DGKI: variants seen among roughly 807,000 people sequenced by gnomAD.
DGKI encodes the protein DAG kinase iota.
A neutral mutation model predicts 147.5 loss-of-function variants in DGKI; 55 were observed. That is an observed-to-expected ratio of 0.37 (90% CI 0.30 to 0.47). The LOEUF is 0.47. DGKI is among the 20% of genes least tolerant of loss of function. The pLI, the probability that DGKI is intolerant of heterozygous loss-of-function variation, is 1.00. For synonymous variants in DGKI, 469 were observed against 477.1 expected, an observed-to-expected ratio of 0.98 and a Z score of 0.22; for missense variants, 1,007 against 1,323.8, an observed-to-expected ratio of 0.76 and a Z score of 3.71.
chr7:137,443,375 A>G (rs755373282), intron 28 of DGKI, among the ~76,000 whole-genome samples: 14 of 152,218 alleles, frequency 9.2e-5, no homozygotes, highest in Non-Finnish European at 1.8e-4. Flanking sequence ...GAGAATTTCC[A>G]AAGTCCAAGT....
At chr7:137,681,090 C>T (rs370650367) in intron 2 of DGKI, among the ~76,000 whole-genome samples, 27 of 152,304 alleles carry the variant, frequency 1.8e-4, no homozygotes, top group African/African-American at 4.6e-4. Context: ...TTCAGGACAA[C>T]GCACAGGGAG....
chr7:137,760,913 T>C (rs894435314), intron 1 of DGKI, among the ~76,000 whole-genome samples: 3 of 152,194 alleles, frequency 2.0e-5, no homozygotes, highest in Admixed American at 6.5e-5. Context: ...CCCTTTAGGC[T>C]GTTCTGCACT....
chr7:137,653,558 G>T (rs755526325), intron 5 of DGKI, among the ~76,000 whole-genome samples: 1 of 151,966 alleles, frequency 6.6e-6, no homozygotes, highest in Non-Finnish European at 1.5e-5. Flanking sequence ...CTTTCTATCC[G>T]GAAGGCTCTT....
intron 1 of DGKI, among the ~76,000 whole-genome samples, chr7:137,690,481 C>G (rs1411653350): frequency 6.6e-6 from 1 of 152,188 alleles, no homozygotes; most frequent in Non-Finnish European, 1.5e-5. Context: ...ATTTTGCTTT[C>G]CTCTCGAGAA....
intron 1 of DGKI, among the ~76,000 whole-genome samples, chr7:137,710,917 G>C (rs945417030): frequency 6.6e-6 from 1 of 152,042 alleles, no homozygotes; most frequent in Non-Finnish European, 1.5e-5. Context: ...CCCCCAAAAA[G>C]TGAACCAAAG....
chr7:137,793,024 AG>A (rs1796905148), intron 1 of DGKI, among the ~76,000 whole-genome samples: 1 of 152,244 alleles, frequency 6.6e-6, no homozygotes, highest in South Asian at 2.1e-4. Context: ...TTGTCTTATG[AG>A]GATGGTAAAG....
Position 137,452,515 on chromosome 7 carries a change from G to A in DGKI, c.2736-8413C>T, listed in dbSNP as rs370237391. On this transcript the variant is annotated intron_variant, in intron 27 of 32. Coordinates refer to ENST00000614521, the MANE Select transcript of DGKI (RefSeq NM_001321708.2). ...TCCTTATTGTGAAGTTCTTGTTGGGGAACAAAGCAGCACACGTATGTCCAC... is the reference window on the plus strand; with the variant it reads ...TCCTTATTGTGAAGTTCTTGTTGGGAAACAAAGCAGCACACGTATGTCCAC... Among the ~76,000 whole-genome samples, 9 of 152,254 alleles carry A rather than the reference G, an allele frequency of 5.9e-5. No individual in the cohort carries two copies. In the East Asian group the frequency reaches 1.7e-3, roughly 29 times the overall value.
chr7:137,641,786 CTTGT>C (rs1326838109), intron 6 of DGKI, among the ~76,000 whole-genome samples: 1 of 152,136 alleles, frequency 6.6e-6, no homozygotes, highest in African/African-American at 2.4e-5. Flanking sequence ...AAAAAGTTAG[CTTGT>C]TTATTTTTAT....
chr7:137,529,046 C>T (rs149363804), intron 20 of DGKI, among the ~76,000 whole-genome samples: 1 of 152,178 alleles, frequency 6.6e-6, no homozygotes, highest in East Asian at 1.9e-4. Flanking sequence ...TGCAAACAGA[C>T]TATAAGCATC....
intron 20 of DGKI, chr7:137,545,973 C>T: frequency 1.4e-6 from 1 of 701,962 alleles, no homozygotes; most frequent in Non-Finnish European, 2.6e-6. Flanking sequence ...CTAGAGGCAG[C>T]AGGGAATGAG....
At chr7:137,568,834 T>G (rs1314971552) in intron 19 of DGKI, among the ~76,000 whole-genome samples, 2 of 151,936 alleles carry the variant, frequency 1.3e-5, no homozygotes, top group South Asian at 4.1e-4. Context: ...TCAGTATTGC[T>G]CCTATATAAT....
At chr7:137,452,302 CTA>C (rs1390277418) in intron 27 of DGKI, among the ~76,000 whole-genome samples, 2 of 152,178 alleles carry the variant, frequency 1.3e-5, no homozygotes, top group Admixed American at 1.3e-4. Flanking sequence ...GGACCACAGA[CTA>C]TGGATGGAGT....
chr7:137,394,633 C>A (rs1811482597), intron 32 of DGKI, among the ~76,000 whole-genome samples: 1 of 152,212 alleles, frequency 6.6e-6, no homozygotes, highest in Admixed American at 6.5e-5. Context: ...CCAGCTGATG[C>A]TATCAAGGTT....
intron 1 of DGKI, among the ~76,000 whole-genome samples, chr7:137,833,188 T>C (rs1798267563): frequency 6.6e-6 from 1 of 152,238 alleles, no homozygotes; most frequent in Admixed American, 6.5e-5. Flanking sequence ...CAGGTATCTT[T>C]TCAGCAGCAC....
rs1386281275 is a variant in DGKI at position 137,576,043 on chromosome 7, C to CTTTT, written c.1761+1175_1761+1178dup. Among the ~76,000 whole-genome samples the CTTTT allele has an allele frequency of 2.3e-3, 304 of 135,058 alleles. 5 individuals are homozygous for CTTTT. Among genetic ancestry groups the CTTTT allele is most frequent in the African/African-American group, 8.3e-3 (293 of 35,254 alleles). 88.6% of individuals were successfully genotyped at this position (135,058 alleles called of 152,430 possible). The stretch of plus-strand genomic sequence containing the variant: ...TGTCAAAATTAATCTTTTTCTTTTT[C>CTTTT]TTTTTTTTTTTTTTAGACGGAGTGT... On this transcript the variant is annotated intron_variant, in intron 17 of 32. Coordinates refer to ENST00000614521, the MANE Select transcript of DGKI (RefSeq NM_001321708.2).
chr7:137,408,286 T>C (rs1397227074), intron 29 of DGKI, among the ~76,000 whole-genome samples: 1 of 152,200 alleles, frequency 6.6e-6, no homozygotes, highest in African/African-American at 2.4e-5. Context: ...GTCTCTATGG[T>C]CTCTCTCTCG....
At chr7:137,525,374 C>A (rs1234792825) in intron 20 of DGKI, among the ~76,000 whole-genome samples, 3 of 152,120 alleles carry the variant, frequency 2.0e-5, no homozygotes, top group Non-Finnish European at 4.4e-5. Flanking sequence ...CTTTTTTAAA[C>A]TCCTATCAAA....
intron 28 of DGKI, among the ~76,000 whole-genome samples, chr7:137,415,060 G>C (rs73730609): frequency 3.0e-3 from 454 of 152,196 alleles, no homozygotes; most frequent in African/African-American, 0.01. Flanking sequence ...GGGTAAAATT[G>C]GCATGTGAAG....
chr7:137,665,044 G>T (rs370892738), intron 3 of DGKI, among the ~76,000 whole-genome samples: 2 of 152,334 alleles, frequency 1.3e-5, no homozygotes, highest in Non-Finnish European at 2.9e-5. Context: ...GAGGCATGAG[G>T]ATGTCAGGAT....
Sources: allele counts gnomAD v4.1 joint callset (sites outside exome capture counted in the v4.1 genomes callset), GRCh38; gene constraint gnomAD v4.1.1; transcripts MANE v1.5; gene names NCBI Gene and HGNC (gene_info 2026-07-23, HGNC 2026-07-21).